ZFP64: variants seen among roughly 807,000 people sequenced by gnomAD.
ZFP64 encodes the protein zinc finger protein 64.
In ZFP64, 14 loss-of-function variants were observed where a neutral mutation model predicts 51.6. The observed-to-expected ratio is 0.27, with a 90% CI of 0.18 to 0.42. ZFP64 has a LOEUF of 0.42. Ranked by LOEUF, ZFP64 falls within the 10% of genes least tolerant of loss-of-function variation. ZFP64 has a pLI of 1.00. For missense variants in ZFP64, 754 were observed against 906.8 expected, an observed-to-expected ratio of 0.83 and a Z score of 2.16; for synonymous variants, 375 against 361.4, an observed-to-expected ratio of 1.04 and a Z score of -0.43.
rs1277350372 is a variant in ZFP64 at position 52,191,021 on chromosome 20, C to G, written c.46+570G>C. 6.6e-6 allele frequency among the ~76,000 whole-genome samples: 1 copy of G among 152,152 alleles called. No homozygotes were observed. The highest frequency in any genetic ancestry group is 1.5e-5 in the Non-Finnish European group (1 of 68,026). ...CGGGAGAAACCAGGGACTTGAAAAA[C>G]GCTGATGTCCTCCTCGGTTAAATAA... On this transcript the variant is annotated intron_variant, in intron 1 of 5. Transcript: ENST00000216923. The surrounding 1 kb of genome is among the most constrained non-coding windows in gnomAD (Gnocchi z 4.3).
At position 52,091,693 on chromosome 20, in the gene ZFP64, A is replaced by G. The variant is rs537816528; in HGVS notation, c.977-3050T>C. On this transcript the variant is annotated intron_variant, in intron 7 of 8. Transcript: ENST00000361387. ...GAAACAGATAAGTTTCCTATTTCAA[A>G]ACCTATGGCCGTGGCTGGGCGCGGT... Among the ~76,000 whole-genome samples the G allele has an allele frequency of 4.6e-4, 70 of 151,548 alleles. 1 individual carries two copies. Among genetic ancestry groups the G allele is most frequent in the Non-Finnish European group, 8.7e-4 (59 of 67,842 alleles).
At chr20:52,104,046 CG>C (rs2079082794) in intron 5 of ZFP64, among the ~76,000 whole-genome samples, 1 of 152,146 alleles carries the variant, frequency 6.6e-6, no homozygotes, top group Non-Finnish European at 1.5e-5. Flanking sequence ...CCGGAAAGAG[CG>C]GGGGAGAAGA....
rs1003456482 is a variant in ZFP64, at chr20:52,085,803, C to A, written c.1229-537G>T. On this transcript the variant is annotated intron_variant, in intron 8 of 8. Coordinates refer to the ZFP64 transcript ENST00000361387. This position sits in a 1 kb window ranked among gnomAD's most constrained non-coding sequence, Gnocchi z 4.3. ...CTAAATTTTATTTATAATATTAATG[C>A]ATAATTATGGCAGCAGGGGACAAAT... is the stretch of plus-strand genomic sequence containing the variant. Among the ~76,000 whole-genome samples, 1 of 152,154 alleles carries A rather than the reference C, an allele frequency of 6.6e-6. No individual in the cohort carries two copies. The highest frequency in any genetic ancestry group is 1.5e-5 in the Non-Finnish European group (1 of 68,036).
At position 52,152,320 on chromosome 20, in the gene ZFP64, C is replaced by T. The variant is rs1224304133; in HGVS notation, c.1872G>A (p.Gly624=). The change falls in exon 6 of 6, where the codon GGG becomes GGA. Residue 624 remains glycine (G), a synonymous_variant. Coordinates refer to ENST00000216923, the MANE Select transcript of ZFP64 (RefSeq NM_018197.3). ...CGCTCACCACTGTCACTTCTGCTGT[C>T]CCCTCCTGAATCAAGGCGTTTAGGC... The part of the protein sequence containing the change: ...FEGLNALIQE[G]TAEVTVVSDG... 1.2e-6 allele frequency: 2 copies of T among 1,614,064 alleles called. No homozygotes were observed. Among genetic ancestry groups the T allele is most frequent in the South Asian group, 1.1e-5 (1 of 91,082 alleles).
At position 52,152,383 on chromosome 20, in the gene ZFP64, G is replaced by T. The variant is rs1383643708; in HGVS notation, c.1809C>A (p.Phe603Leu). 1 of 1,614,232 alleles carries T rather than the reference G, an allele frequency of 6.2e-7. No homozygotes were observed. The highest frequency in any genetic ancestry group is 8.5e-7 in the Non-Finnish European group (1 of 1,180,052). ...GPQEGSGNQT[F>L]ITSSGITCTD... ...TGCAAGTAATACCCGAACTGGTAAT[G>T]AAAGTTTGATTGCCAGAGCCTTCCT... Residue 603 changes from phenylalanine (F) to leucine (L), a missense_variant, in exon 6 of 6, where the codon TTC (phenylalanine) becomes TTA (leucine). Phe to Leu is a conservative substitution (Grantham distance 22, BLOSUM62 0). Coordinates refer to ENST00000216923, the MANE Select transcript of ZFP64 (RefSeq NM_018197.3).
At chr20:52,186,734 G>A (rs1035124310) in intron 2 of ZFP64, 98 bp downstream of exon 2, 3 of 1,485,128 alleles carry the variant, frequency 2.0e-6, no homozygotes, top group African/African-American at 2.8e-5. Context: ...AACCCTAGGG[G>A]GTGGGCTCTG....
chr20:52,099,997 GTT>G (rs1325529973), intron 5 of ZFP64, among the ~76,000 whole-genome samples: 1 of 152,182 alleles, frequency 6.6e-6, no homozygotes, highest in African/African-American at 2.4e-5. Flanking sequence ...AAGGTCTGAA[GTT>G]TTTTCTTTTT....
chr20:52,169,869 C>T (rs147991466), intron 2 of ZFP64, among the ~76,000 whole-genome samples: 7 of 152,072 alleles, frequency 4.6e-5, no homozygotes, highest in African/African-American at 1.7e-4. Flanking sequence ...GCCTGACTAA[C>T]ATGAAGAAAC....
intron 5 of ZFP64, among the ~76,000 whole-genome samples, chr20:52,101,548 G>T (rs1026307703): frequency 1.3e-5 from 2 of 151,946 alleles, no homozygotes; most frequent in African/African-American, 4.8e-5. Flanking sequence ...TTGTATTTTT[G>T]TATTTTTTTG....
chr20:52,121,651 G>C (rs1457999697), intron 5 of ZFP64, among the ~76,000 whole-genome samples: 1 of 145,062 alleles, frequency 6.9e-6, no homozygotes. Flanking sequence ...GCAGCAGGTA[G>C]GTGCTGATGG....
chr20:52,147,921 T>C (rs1407083397), downstream of ZFP64, among the ~76,000 whole-genome samples: 2 of 152,100 alleles, frequency 1.3e-5, no homozygotes, highest in Non-Finnish European at 2.9e-5. Context: ...CTCAAGAGGC[T>C]GAAGTGGGAG....
chr20:52,139,427 A>G (rs1426579949), intron 5 of ZFP64, among the ~76,000 whole-genome samples: 1 of 152,132 alleles, frequency 6.6e-6, no homozygotes, highest in East Asian at 1.9e-4. Context: ...ACATGTTCTC[A>G]CTTATAAGTG....
chr20:52,116,292 C>T (rs889813451), intron 5 of ZFP64, among the ~76,000 whole-genome samples: 3 of 151,668 alleles, frequency 2.0e-5, no homozygotes, highest in Non-Finnish European at 4.4e-5. Context: ...TGCATCACCA[C>T]GCACGGCTTA....
chr20:52,130,267 G>A (rs1270539864), intron 5 of ZFP64, among the ~76,000 whole-genome samples: 3 of 152,176 alleles, frequency 2.0e-5, no homozygotes, highest in Non-Finnish European at 4.4e-5. Flanking sequence ...AGGCTGGAGT[G>A]CAGTGGCACA....
chr20:52,166,205 GAGACTT>G (rs1982257075), intron 2 of ZFP64, among the ~76,000 whole-genome samples, 180 bp from the exon 3 acceptor site: 1 of 143,538 alleles, frequency 7.0e-6, no homozygotes, highest in Non-Finnish European at 1.5e-5. Flanking sequence ...CATCCGCTGG[GAGACTT>G]CTGCAAAAGA....
At chr20:52,159,577 A>G (rs532696696) in intron 5 of ZFP64, among the ~76,000 whole-genome samples, 126 of 152,326 alleles carry the variant, frequency 8.3e-4, no homozygotes, top group African/African-American at 2.9e-3. Context: ...TGGGCCAGGC[A>G]CGGTGGCTCA....
rs535387669 is a variant in ZFP64, at chr20:52,156,351, G to C, written c.764-2923C>G. Among the ~76,000 whole-genome samples the C allele has an allele frequency of 3.9e-5, 6 of 152,346 alleles. No homozygotes were observed. In the East Asian group the frequency reaches 9.6e-4, roughly 24 times the overall value. ...GGTATGTTTAGTAACTTGAAACAAG[G>C]AATGGCTTGAAATGGGCTTGTGCAC... is the stretch of plus-strand genomic sequence containing the variant. On this transcript the variant is annotated intron_variant, in intron 5 of 5. Coordinates refer to ENST00000216923, the MANE Select transcript of ZFP64 (RefSeq NM_018197.3).
At chr20:52,124,016 C>T (rs575076657) in intron 5 of ZFP64, among the ~76,000 whole-genome samples, 25 of 151,914 alleles carry the variant, frequency 1.6e-4, no homozygotes, top group Admixed American at 1.5e-3. Flanking sequence ...ACTACAGGCA[C>T]CCGCCACCAT....
chr20:52,176,505 C>CTCTCTTTTTTTTTTTT (rs1555810297), intron 2 of ZFP64, among the ~76,000 whole-genome samples: 60 of 136,706 alleles, frequency 4.4e-4, no homozygotes, highest in African/African-American at 1.6e-3. Context: ...TTCAATCTCT[C>CTCTCTTTTTTTTTTTT]TTTTTTTTTT....
Sources: gnomAD v4.1 joint callset for allele counts (sites outside exome capture counted in the v4.1 genomes callset) on GRCh38, gnomAD v4.1.1 for gene constraint, Gnocchi (gnomAD v3.1) non-coding constraint, MANE v1.5 for transcripts, NCBI Gene and HGNC (gene_info 2026-07-23, HGNC 2026-07-21) for gene names.